The following SAMTOR variants were observed in gnomAD, a reference collection of about 807,000 sequenced individuals.
The protein encoded by SAMTOR is UPF0532 protein C7orf60.
At chr7:112,905,602 T>C in the SAMTOR span, among the ~76,000 whole-genome samples, 2 of 152,300 alleles carry the variant, frequency 1.3e-5, no homozygotes, top group East Asian at 1.9e-4. Context: ...ATTTCAGGAA[T>C]GCAAGGATGG....
chr7:112,894,853 G>A, the SAMTOR span, among the ~76,000 whole-genome samples: 6 of 152,138 alleles, frequency 3.9e-5, no homozygotes, highest in Non-Finnish European at 5.9e-5. Flanking sequence ...GGTGCCAATC[G>A]ACTTGCTTGA....
chr7:112,895,833 T>C, the SAMTOR span: 18 of 774,760 alleles, frequency 2.3e-5, no homozygotes, highest in Non-Finnish European at 3.3e-5. Flanking sequence ...GATGGGAAAC[T>C]TTCAAATTTA....
the SAMTOR span, among the ~76,000 whole-genome samples, chr7:112,865,595 A>G: frequency 6.8e-6 from 1 of 147,778 alleles, no homozygotes; most frequent in Non-Finnish European, 1.5e-5. Context: ...ATTCATATAT[A>G]TATATATTTC....
the SAMTOR span, among the ~76,000 whole-genome samples, chr7:112,829,882 G>A: frequency 6.6e-6 from 1 of 152,060 alleles, no homozygotes; most frequent in African/African-American, 2.4e-5. Flanking sequence ...TGTGACTGCT[G>A]GCCACTGTAA....
chr7:112,875,954 C>T, the SAMTOR span, among the ~76,000 whole-genome samples: 1 of 152,098 alleles, frequency 6.6e-6, no homozygotes, highest in Admixed American at 6.6e-5. Context: ...CAAAATAATG[C>T]CAAATGTAGT....
chr7:112,890,001 C>G, the SAMTOR span, among the ~76,000 whole-genome samples: 1 of 152,136 alleles, frequency 6.6e-6, no homozygotes, highest in Non-Finnish European at 1.5e-5. Context: ...TAGTCTCAGG[C>G]TGTAGTTGTG....
At chr7:112,887,344 G>A in the SAMTOR span, among the ~76,000 whole-genome samples, 3 of 151,112 alleles carry the variant, frequency 2.0e-5, no homozygotes, top group South Asian at 2.1e-4. Flanking sequence ...TACAGATTCA[G>A]TCATTATCTA....
chr7:112,857,238 C>T, the SAMTOR span, among the ~76,000 whole-genome samples: 4 of 150,080 alleles, frequency 2.7e-5, no homozygotes, highest in Non-Finnish European at 5.9e-5. Flanking sequence ...ACTACAGGCG[C>T]CCACCACCGC....
chr7:112,898,506 T>C, the SAMTOR span, among the ~76,000 whole-genome samples: 1 of 152,238 alleles, frequency 6.6e-6, no homozygotes. Flanking sequence ...AAGCCCCTGA[T>C]TCCAGGCTGT....
the SAMTOR span, among the ~76,000 whole-genome samples, chr7:112,911,019 G>T: frequency 6.6e-6 from 1 of 152,114 alleles, no homozygotes; most frequent in Non-Finnish European, 1.5e-5. Context: ...TGGGGAATTT[G>T]CTGAAATGGT....
the SAMTOR span, among the ~76,000 whole-genome samples, chr7:112,880,415 G>A: frequency 6.6e-6 from 1 of 152,078 alleles, no homozygotes. Context: ...TATTCCCTGA[G>A]CCAGTGCTAA....
chr7:112,887,818 A>C, the SAMTOR span, among the ~76,000 whole-genome samples: 67 of 152,122 alleles, frequency 4.4e-4, no homozygotes, highest in African/African-American at 1.3e-3. Context: ...ATTTATTAGT[A>C]ATTTGTATCC....
chr7:112,882,376 T>C, the SAMTOR span, among the ~76,000 whole-genome samples: 1 of 152,128 alleles, frequency 6.6e-6, no homozygotes, highest in African/African-American at 2.4e-5. Flanking sequence ...AGTGACAGCC[T>C]AAGGATCCAA....
the SAMTOR span, among the ~76,000 whole-genome samples, chr7:112,929,526 T>G: frequency 6.6e-6 from 1 of 151,854 alleles, no homozygotes; most frequent in East Asian, 1.9e-4. Context: ...AGTATGGAGG[T>G]TCCTAAAAAA....
chr7:112,875,544 C>T, the SAMTOR span, among the ~76,000 whole-genome samples: 67 of 152,208 alleles, frequency 4.4e-4, no homozygotes, highest in African/African-American at 1.6e-3. Flanking sequence ...TTTACAGGTA[C>T]AGAATAATAT....
chr7:112,880,187 A>G, the SAMTOR span, among the ~76,000 whole-genome samples: 1 of 152,174 alleles, frequency 6.6e-6, no homozygotes, highest in African/African-American at 2.4e-5. Flanking sequence ...CATTCTTCTA[A>G]AAAATTTGCC....
At chr7:112,853,644 T>C in the SAMTOR span, among the ~76,000 whole-genome samples, 1 of 152,138 alleles carries the variant, frequency 6.6e-6, no homozygotes, top group Admixed American at 6.5e-5. Flanking sequence ...AGTAGCTTTT[T>C]TGTTGTTTTT....
the SAMTOR span, among the ~76,000 whole-genome samples, chr7:112,889,016 A>T: frequency 6.6e-6 from 1 of 152,180 alleles, no homozygotes; most frequent in African/African-American, 2.4e-5. Flanking sequence ...TTCTAGTGGC[A>T]TGGGAAGAGA....
At chr7:112,922,535 C>T in the SAMTOR span, among the ~76,000 whole-genome samples, 1 of 151,802 alleles carries the variant, frequency 6.6e-6, no homozygotes, top group Admixed American at 6.6e-5. Context: ...GGCCGCCATC[C>T]CATCTAGGAA....
Sources: gnomAD v4.1 joint callset for allele counts (sites outside exome capture counted in the v4.1 genomes callset) on GRCh38, gnomAD v4.1.1 for gene constraint, MANE v1.5 for transcripts, NCBI Gene and HGNC (gene_info 2026-07-23, HGNC 2026-07-21) for gene names.